CCDC141: variants seen among roughly 807,000 people sequenced by gnomAD.
CCDC141 encodes the protein coiled-coil domain containing 141.
Under a neutral mutation model 181.0 loss-of-function variants are expected in CCDC141, and 168 were observed. The ratio of observed to expected loss-of-function variants is 0.93; its 90% CI spans 0.82 to 1.05. The LOEUF is 1.05. Ranked by LOEUF, CCDC141 falls within the 50% of genes least tolerant of loss-of-function variation. The pLI is 0.00. For synonymous variants in CCDC141, 666 were observed against 642.3 expected (o/e 1.04, Z -0.56); for missense variants, 1,902 against 1,788.5 (o/e 1.06, Z -1.14).
At chr2:179,036,011 G>A (rs1301562738) in intron 2 of CCDC141, among the ~76,000 whole-genome samples, 1 of 152,128 alleles carries the variant, frequency 6.6e-6, no homozygotes, top group African/African-American at 2.4e-5. Context: ...GCAGAAATAT[G>A]GAGGACACCT....
At chr2:179,003,924 C>A (rs1486705617) in intron 2 of CCDC141, among the ~76,000 whole-genome samples, 2 of 151,940 alleles carry the variant, frequency 1.3e-5, no homozygotes, top group Admixed American at 1.3e-4. Flanking sequence ...CATACTCATT[C>A]TCTATGATGA....
At chr2:179,019,061 A>G (rs2042624643) in intron 2 of CCDC141, among the ~76,000 whole-genome samples, 1 of 152,180 alleles carries the variant, frequency 6.6e-6, no homozygotes, top group African/African-American at 2.4e-5. Context: ...AGTTCAGAGC[A>G]TTGCTTTTTG....
chr2:179,049,887 C>G lies in CCDC141; in HGVS notation c.55G>C (p.Val19Leu), dbSNP rs2043623232. 1 of 1,550,798 alleles carries G rather than the reference C, an allele frequency of 6.4e-7. No homozygotes were observed. Among genetic ancestry groups the G allele is most frequent in the East Asian group, 2.4e-5 (1 of 40,918 alleles). The change falls in exon 1 of 24, where the codon GTT becomes CTT. Residue 19 changes from valine (V) to leucine (L), a missense_variant. Val to Leu is a conservative substitution (Grantham distance 32). Transcript: ENST00000443758. ...VALSTTTVSS[V>L]AVQAGDSKIV... ...TTGGAGTCCCCAGCCTGCACAGCAA[C>G]TGAACTGACTGTCGTCGTAGAAAGC...
At chr2:178,853,095 T>C (rs141306682) in intron 20 of CCDC141, among the ~76,000 whole-genome samples, 1 of 152,336 alleles carries the variant, frequency 6.6e-6, no homozygotes, top group African/African-American at 2.4e-5. Flanking sequence ...GGAATCACTC[T>C]AGTGGAAATT....
intron 7 of CCDC141, among the ~76,000 whole-genome samples, chr2:178,907,481 A>T (rs1364094565): frequency 6.6e-6 from 1 of 152,238 alleles, no homozygotes; most frequent in African/African-American, 2.4e-5. Flanking sequence ...AAAAGGAGGG[A>T]TTTTAAAACT....
At chr2:178,992,339 CCT>C (rs1491479951) in intron 2 of CCDC141, among the ~76,000 whole-genome samples, 3 of 122,352 alleles carry the variant, frequency 2.5e-5, no homozygotes, top group African/African-American at 9.7e-5. Flanking sequence ...GTAAAATAGA[CCT>C]TTTTTTTTTT....
chr2:178,819,567 T>C, the CCDC141 span, among the ~76,000 whole-genome samples: 1 of 152,236 alleles, frequency 6.6e-6, no homozygotes, highest in African/African-American at 2.4e-5. Flanking sequence ...TGCTATCTTG[T>C]TTCCTTAAAT....
At chr2:178,978,700 A>C (rs962199898) in intron 2 of CCDC141, 25 bp from the exon 3 acceptor site, 22 of 1,480,078 alleles carry the variant, frequency 1.5e-5, no homozygotes, top group Non-Finnish European at 1.9e-5. Flanking sequence ...AAAAGGCATA[A>C]GGCAGGGTGT....
chr2:178,820,662 T>C, the CCDC141 span, among the ~76,000 whole-genome samples: 31 of 152,162 alleles, frequency 2.0e-4, no homozygotes, highest in African/African-American at 7.2e-4. Flanking sequence ...ATGAAAGAAT[T>C]TTTTTAAAAA....
intron 8 of CCDC141, among the ~76,000 whole-genome samples, chr2:178,889,138 T>A (rs1377976783): frequency 1.3e-5 from 2 of 152,114 alleles, no homozygotes; most frequent in African/African-American, 4.8e-5. Flanking sequence ...TGATTATGAA[T>A]GCTCAAGGCT....
intron 4 of CCDC141, among the ~76,000 whole-genome samples, chr2:178,964,339 T>A (rs1185452855): frequency 6.6e-6 from 1 of 152,216 alleles, no homozygotes; most frequent in Non-Finnish European, 1.5e-5. Context: ...TTCCTTCCTC[T>A]AACTAACTCT....
In CCDC141 at chr2:178,869,162, C is replaced by T. The variant is rs1421265016; in HGVS notation, c.2349G>A (p.Glu783=). Residue 783 remains glutamate, a synonymous_variant, in exon 15 of 24, where the codon GAG becomes GAA. Coordinates refer to ENST00000443758, the MANE Select transcript of CCDC141 (RefSeq NM_173648.4). ...ACTGGACCACCTTGTACAGGATATCCTCGTAATCCTGGATTCTCTCTTTCT... is the reference window on the plus strand; with the variant it reads ...ACTGGACCACCTTGTACAGGATATCTTCGTAATCCTGGATTCTCTCTTTCT... ...QKQKERIQDY[E]DILYKVVQFH... is the part of the protein sequence containing the mutation. 6.2e-7 allele frequency: 1 copy of T among 1,612,966 alleles called. No individual in the cohort carries two copies. Among genetic ancestry groups the T allele is most frequent in the East Asian group, 2.2e-5 (1 of 44,844 alleles).
Position 178,905,363 on chromosome 2 carries a change from C to T in CCDC141, c.1231G>A (p.Gly411Arg), listed in dbSNP as rs1313012713. 2 of 1,549,766 alleles carry T rather than the reference C, an allele frequency of 1.3e-6. No individual in the cohort carries two copies. The highest frequency in any genetic ancestry group is 2.7e-5 in the African/African-American group (2 of 73,026). Residue 411 changes from glycine (G) to arginine (R), a missense_variant, in exon 8 of 24, where the codon GGA becomes AGA. Coordinates refer to ENST00000443758, the MANE Select transcript of CCDC141 (RefSeq NM_173648.4). ...TCTACTTGGCTGATTAAGGTTTGTC[C>T]CTTTTGCAAAGCATCAGTTGTGCAG... ...KDCTTDALQK[G>R]QTLISQVDSC...
chr2:179,010,122 T>C (rs549035751), intron 2 of CCDC141, among the ~76,000 whole-genome samples: 6 of 151,970 alleles, frequency 3.9e-5, no homozygotes, highest in Admixed American at 2.0e-4. Flanking sequence ...TAAGAAAATA[T>C]GAACAAAGCC....
rs1396076849 is a variant in CCDC141 at position 178,856,374 on chromosome 2, G to T, written c.2748C>A (p.Ile916=). Residue 916 remains isoleucine, a synonymous_variant, in exon 18 of 24, where the codon ATC becomes ATA. Coordinates refer to ENST00000443758, the MANE Select transcript of CCDC141 (RefSeq NM_173648.4). ...ACTTCAAATTATTGAATTTCTTTTT[G>T]ATATCTTTGAATGAGTCTTTGAGCT... ...INELKDSFKD[I]KKKFNNLKFN... is the part of the protein sequence containing the mutation. 2 of 1,596,118 alleles carry T rather than the reference G, an allele frequency of 1.3e-6. No individual in the cohort carries two copies. Among genetic ancestry groups the T allele is most frequent in the East Asian group, 2.2e-5 (1 of 44,674 alleles).
intron 2 of CCDC141, among the ~76,000 whole-genome samples, chr2:179,030,618 A>G (rs1484356289): frequency 6.6e-6 from 1 of 152,030 alleles, no homozygotes; most frequent in Non-Finnish European, 1.5e-5. Flanking sequence ...TTTTCATTTC[A>G]TTGTTGCAAA....
intron 5 of CCDC141, among the ~76,000 whole-genome samples, chr2:178,960,872 T>C (rs888184932): frequency 6.6e-6 from 1 of 152,210 alleles, no homozygotes; most frequent in Non-Finnish European, 1.5e-5. Context: ...TTCAGCAGCA[T>C]CATGCCTCTT....
At chr2:178,851,522 G>A (rs1685166140) in intron 20 of CCDC141, among the ~76,000 whole-genome samples, 1 of 152,164 alleles carries the variant, frequency 6.6e-6, no homozygotes, top group Admixed American at 6.6e-5. Flanking sequence ...AGGGGCATGT[G>A]TGTGCAGAGG....
intron 8 of CCDC141, among the ~76,000 whole-genome samples, chr2:178,899,886 T>C (rs1482142714): frequency 6.6e-6 from 1 of 152,128 alleles, no homozygotes; most frequent in Non-Finnish European, 1.5e-5. Flanking sequence ...AATTATTAGA[T>C]GAGGAAAGGA....
Sources: gnomAD v4.1 joint callset for allele counts (sites outside exome capture counted in the v4.1 genomes callset) on GRCh38, gnomAD v4.1.1 for gene constraint, MANE v1.5 for transcripts, NCBI Gene and HGNC (gene_info 2026-07-23, HGNC 2026-07-21) for gene names.